Variants in MGAT4C observed in about 807,000 individuals in gnomAD.
The protein encoded by MGAT4C is MGAT4 family member C, also known as alpha-1,3-mannosyl-glycoprotein 4-beta-N-acetylglucosaminyltransferase C.
In MGAT4C, 19 loss-of-function variants were observed where a neutral mutation model predicts 40.1. The observed-to-expected ratio is 0.47, with a 90% CI of 0.33 to 0.70. MGAT4C has a LOEUF of 0.70. Ranked by LOEUF, MGAT4C falls within the 30% of genes least tolerant of loss-of-function variation. The pLI, the probability that MGAT4C is intolerant of heterozygous loss-of-function variation, is 0.02. For missense variants in MGAT4C, 491 were observed against 563.2 expected (o/e 0.87, Z 1.30); for synonymous variants, 181 against 187.1 (o/e 0.97, Z 0.27).
chr12:86,266,033 T>C (rs1952778288), intron 4 of MGAT4C, among the ~76,000 whole-genome samples: 1 of 152,156 alleles, frequency 6.6e-6, no homozygotes. Flanking sequence ...TTTAAGAGCT[T>C]TTTCTAGAAT....
At chr12:86,052,990 C>T (rs1555213903) in intron 1 of MGAT4C, among the ~76,000 whole-genome samples, 1 of 151,888 alleles carries the variant, frequency 6.6e-6, no homozygotes, top group Non-Finnish European at 1.5e-5. Flanking sequence ...AAAGTGTTCA[C>T]TTTATTTATT....
chr12:86,772,234 C>G (rs535798057), intron 1 of MGAT4C, among the ~76,000 whole-genome samples: 212 of 152,314 alleles, frequency 1.4e-3, no homozygotes, highest in African/African-American at 4.9e-3. Flanking sequence ...TCCTCCTGGA[C>G]TGTCCTCATG....
chr12:86,138,878 G>C (rs1412351465), intron 1 of MGAT4C, among the ~76,000 whole-genome samples: 1 of 151,866 alleles, frequency 6.6e-6, no homozygotes, highest in Non-Finnish European at 1.5e-5. Flanking sequence ...GCCACAGACA[G>C]CCTGCCTTGT....
Position 86,303,636 on chromosome 12 carries a change from A to G in MGAT4C, c.-57+30429T>C, listed in dbSNP as rs868479816. On this transcript the variant is annotated intron_variant, in intron 4 of 7. Transcript: ENST00000548651. Reference sequence around the variant, plus strand: ...TTCTTTTCTCTGGCCTCATCAAGCTATGTAACCTTAAATAATTCTGGCTCT... The same window carrying G: ...TTCTTTTCTCTGGCCTCATCAAGCTGTGTAACCTTAAATAATTCTGGCTCT... Among the ~76,000 whole-genome samples the G allele has an allele frequency of 1.3e-5, 2 of 150,180 alleles. 1 individual carries two copies. Among genetic ancestry groups the G allele is most frequent in the African/African-American group, 5.0e-5 (2 of 39,704 alleles).
chr12:86,347,043 G>A (rs1193510023), intron 3 of MGAT4C, among the ~76,000 whole-genome samples: 1 of 152,162 alleles, frequency 6.6e-6, no homozygotes, highest in Non-Finnish European at 1.5e-5. Context: ...ACTGAAGACT[G>A]CACTGTCGGC....
At chr12:86,194,418 CTT>C (rs1481868164) in intron 1 of MGAT4C, among the ~76,000 whole-genome samples, 1 of 149,820 alleles carries the variant, frequency 6.7e-6, no homozygotes, top group Non-Finnish European at 1.5e-5. Context: ...AAGGGATTCT[CTT>C]TTGTTTTTAG....
At chr12:86,266,784 A>AC in intron 4 of MGAT4C, among the ~76,000 whole-genome samples, 1 of 147,308 alleles carries the variant, frequency 6.8e-6, no homozygotes, top group East Asian at 2.0e-4. Context: ...TTGTTGAAAG[A>AC]TTTTTTTTTT....
intron 2 of MGAT4C, among the ~76,000 whole-genome samples, chr12:86,562,077 G>A (rs1476724661): frequency 1.3e-5 from 2 of 152,108 alleles, no homozygotes; most frequent in Non-Finnish European, 1.5e-5. Context: ...GAGAACCAAC[G>A]AATATAATGA....
At chr12:86,757,680 A>C (rs1951329520) in intron 1 of MGAT4C, among the ~76,000 whole-genome samples, 2 of 152,148 alleles carry the variant, frequency 1.3e-5, no homozygotes, top group African/African-American at 2.4e-5. Context: ...TTATGCTTAA[A>C]AATGTAAAGG....
At chr12:85,983,069 T>A (rs2136693218) in intron 4 of MGAT4C, among the ~76,000 whole-genome samples, 1 of 152,254 alleles carries the variant, frequency 6.6e-6, no homozygotes, top group Middle Eastern at 3.4e-3. Context: ...AATAAATTGC[T>A]CTTTTTAAAA....
At chr12:86,056,268 G>A (rs900499161) in intron 1 of MGAT4C, among the ~76,000 whole-genome samples, 3 of 152,068 alleles carry the variant, frequency 2.0e-5, no homozygotes, top group Admixed American at 6.6e-5. Context: ...ACGTTCTAGG[G>A]TACACGTGCA....
intron 1 of MGAT4C, among the ~76,000 whole-genome samples, chr12:86,082,601 G>T (rs1871041080): frequency 6.6e-6 from 1 of 152,066 alleles, no homozygotes; most frequent in South Asian, 2.1e-4. Context: ...AGTAGTAAAT[G>T]GCATATTGTA....
intron 1 of MGAT4C, among the ~76,000 whole-genome samples, chr12:86,234,883 C>G (rs1217524158): frequency 6.6e-6 from 1 of 152,028 alleles, no homozygotes; most frequent in Non-Finnish European, 1.5e-5. Flanking sequence ...ACTGGTACTT[C>G]ATCTGACACC....
At chr12:86,412,319 A>G (rs1010274627) in intron 3 of MGAT4C, among the ~76,000 whole-genome samples, 2 of 152,162 alleles carry the variant, frequency 1.3e-5, no homozygotes. Flanking sequence ...CAGGCACTCA[A>G]TGTTAGCCCT....
intron 2 of MGAT4C, among the ~76,000 whole-genome samples, chr12:86,512,588 T>G (rs1436156069): frequency 3.3e-5 from 5 of 152,156 alleles, no homozygotes; most frequent in Non-Finnish European, 7.4e-5. Context: ...AATGGAGTAT[T>G]ATTCAGCTAT....
At chr12:86,504,719 C>A (rs779554811) in intron 2 of MGAT4C, among the ~76,000 whole-genome samples, 1 of 152,098 alleles carries the variant, frequency 6.6e-6, no homozygotes, top group Non-Finnish European at 1.5e-5. Context: ...CAGCATCTCA[C>A]ACTGTCGCCT....
intron 1 of MGAT4C, among the ~76,000 whole-genome samples, chr12:86,052,267 T>TA (rs1166040933): frequency 1.3e-5 from 2 of 151,272 alleles, no homozygotes; most frequent in Non-Finnish European, 3.0e-5. Context: ...ATTTTTTCAT[T>TA]AAAAAAAAGA....
intron 4 of MGAT4C, among the ~76,000 whole-genome samples, chr12:86,278,872 T>A (rs1039655742): frequency 6.6e-6 from 1 of 152,136 alleles, no homozygotes; most frequent in Non-Finnish European, 1.5e-5. Context: ...TTTTGTAGAG[T>A]TTTTATCATG....
chr12:86,642,811 T>G (rs1288127235), intron 2 of MGAT4C, among the ~76,000 whole-genome samples: 2 of 151,576 alleles, frequency 1.3e-5, no homozygotes, highest in Non-Finnish European at 2.9e-5. Flanking sequence ...ATATTTTATA[T>G]GTATATCTAT....
Sources: gnomAD v4.1 joint callset for allele counts (sites outside exome capture counted in the v4.1 genomes callset) on GRCh38, gnomAD v4.1.1 for gene constraint, MANE v1.5 for transcripts, NCBI Gene and HGNC (gene_info 2026-07-23, HGNC 2026-07-21) for gene names.